Variants in ANO2 observed in about 807,000 individuals in gnomAD.
ANO2 encodes the protein anoctamin-2.
Under a neutral mutation model 124.2 loss-of-function variants are expected in ANO2, and 101 were observed. The ratio of observed to expected loss-of-function variants is 0.81; its 90% CI spans 0.69 to 0.96. The LOEUF is 0.96. ANO2 is among the 40% of genes least tolerant of loss of function. The probability of loss-of-function intolerance (pLI) is 0.00; values close to 1 mark genes in which losing one functional copy is unlikely to be tolerated. For missense variants in ANO2, 1,293 were observed against 1,274.5 expected (o/e 1.01, Z -0.22); for synonymous variants, 486 against 482.5 (o/e 1.01, Z -0.09).
Position 5,641,495 on chromosome 12 carries a change from T to C in ANO2, c.1621-6148A>G, listed in dbSNP as rs116210796. The stretch of plus-strand genomic sequence containing the variant: ...ATCAAATAGGCAGGAAACAATATAA[T>C]GTATTGTCCAATCTGGAATACTTTT... On this transcript the variant is annotated intron_variant, in intron 15 of 24. Coordinates refer to ENST00000682330, the MANE Select transcript of ANO2 (RefSeq NM_001364791.2). Among the ~76,000 whole-genome samples the C allele has an allele frequency of 7.4e-3, 1,129 of 152,324 alleles. 14 individuals carry two copies. The highest frequency in any genetic ancestry group is 0.025 in the African/African-American group (1,059 of 41,558).
chr12:5,677,788 C>T (rs910266591), intron 14 of ANO2, among the ~76,000 whole-genome samples: 2 of 152,166 alleles, frequency 1.3e-5, no homozygotes, highest in African/African-American at 4.8e-5. Context: ...GCATTTGTCC[C>T]GGCTTTTCTT....
At chr12:5,906,744 A>G (rs533214098) in intron 3 of ANO2, among the ~76,000 whole-genome samples, 215 of 152,144 alleles carry the variant, frequency 1.4e-3, no homozygotes, top group Non-Finnish European at 2.4e-3. Flanking sequence ...GCAGTGAGCC[A>G]AGATCGCACC....
chr12:5,935,598 C>T (rs556549484), intron 1 of ANO2, among the ~76,000 whole-genome samples: 2 of 152,148 alleles, frequency 1.3e-5, no homozygotes, highest in Admixed American at 1.3e-4. Context: ...TCCCAAAGGA[C>T]AAAACTGGGA....
At chr12:5,782,854 T>C (rs1952441012) in intron 10 of ANO2, among the ~76,000 whole-genome samples, 1 of 152,238 alleles carries the variant, frequency 6.6e-6, no homozygotes, top group Non-Finnish European at 1.5e-5. Flanking sequence ...CCACATTTAA[T>C]GTTTTTAAAA....
At chr12:5,596,640 C>CT (rs1385941499) in intron 20 of ANO2, among the ~76,000 whole-genome samples, 1 of 151,296 alleles carries the variant, frequency 6.6e-6, no homozygotes, top group African/African-American at 2.4e-5. Context: ...TAGTTCTTTA[C>CT]TTTTTTTTTC....
At chr12:5,765,741 T>G (rs946094881) in intron 10 of ANO2, among the ~76,000 whole-genome samples, 5 of 152,266 alleles carry the variant, frequency 3.3e-5, no homozygotes, top group African/African-American at 1.2e-4. Flanking sequence ...ATGGAACTTT[T>G]GTTTATCAAA....
chr12:5,796,590 G>C (rs1467224359), intron 10 of ANO2, among the ~76,000 whole-genome samples: 5 of 152,116 alleles, frequency 3.3e-5, no homozygotes, highest in Admixed American at 3.3e-4. Context: ...CAGGCCTGCA[G>C]GCCCCAGGTC....
At chr12:5,599,212 G>A (rs1943809777) in intron 20 of ANO2, among the ~76,000 whole-genome samples, 1 of 152,154 alleles carries the variant, frequency 6.6e-6, no homozygotes, top group African/African-American at 2.4e-5. Context: ...TTATAGATGA[G>A]GAGAGGAATC....
chr12:5,788,548 T>C (rs1952604017), intron 10 of ANO2, among the ~76,000 whole-genome samples: 1 of 152,034 alleles, frequency 6.6e-6, no homozygotes, highest in African/African-American at 2.4e-5. Flanking sequence ...CTGAATTATA[T>C]GTTTGTCTTT....
chr12:5,819,204 C>A lies in ANO2; in HGVS notation c.892+8565G>T, dbSNP rs565208474. ...TTCTCCTCAGGAGCCACCCCCAACA[C>A]CCCTGTTTGCTTCTAGACCTATAAA... On this transcript the variant is annotated intron_variant, in intron 7 of 24. Coordinates refer to ENST00000682330, the MANE Select transcript of ANO2 (RefSeq NM_001364791.2). 4.6e-5 allele frequency among the ~76,000 whole-genome samples: 7 copies of A among 152,276 alleles called. No individual in the cohort carries two copies. The South Asian group carries it at 1.5e-3, about 32-fold the overall frequency.
chr12:5,652,935 C>A (rs960867932), intron 14 of ANO2, among the ~76,000 whole-genome samples: 1 of 152,202 alleles, frequency 6.6e-6, no homozygotes, highest in African/African-American at 2.4e-5. Flanking sequence ...GGGAATTACA[C>A]TCCACCTCTC....
intron 12 of ANO2, among the ~76,000 whole-genome samples, chr12:5,743,647 T>A (rs987173171): frequency 6.6e-6 from 1 of 152,148 alleles, no homozygotes; most frequent in Admixed American, 6.5e-5. Context: ...ACCCTGGCAT[T>A]AAATATTAAA....
At chr12:5,713,941 G>C (rs1949916513) in intron 14 of ANO2, among the ~76,000 whole-genome samples, 1 of 152,100 alleles carries the variant, frequency 6.6e-6, no homozygotes, top group Admixed American at 6.5e-5. Flanking sequence ...TATCTGCCAG[G>C]TCTCCACTTC....
intron 10 of ANO2, among the ~76,000 whole-genome samples, chr12:5,791,584 C>T (rs1952696170): frequency 6.6e-6 from 1 of 152,186 alleles, no homozygotes; most frequent in Admixed American, 6.5e-5. Flanking sequence ...GGGGCACCTT[C>T]AGCTACAGAG....
intron 4 of ANO2, among the ~76,000 whole-genome samples, chr12:5,852,723 C>G (rs1179424915): frequency 6.6e-6 from 1 of 151,954 alleles, no homozygotes; most frequent in Non-Finnish European, 1.5e-5. Context: ...AGTGGTGGTA[C>G]AGAAGGCAAC....
At chr12:5,824,909 A>G (rs1268151883) in intron 7 of ANO2, among the ~76,000 whole-genome samples, 1 of 151,978 alleles carries the variant, frequency 6.6e-6, no homozygotes, top group African/African-American at 2.4e-5. Flanking sequence ...CCCCTGATAA[A>G]CCCATCAGAT....
chr12:5,590,670 G>C (rs1457656255), intron 20 of ANO2, among the ~76,000 whole-genome samples: 1 of 152,176 alleles, frequency 6.6e-6, no homozygotes, highest in Non-Finnish European at 1.5e-5. Context: ...AAGGCCAAAA[G>C]AATGAGAAGA....
intron 3 of ANO2, among the ~76,000 whole-genome samples, chr12:5,857,694 C>A (rs1454561937): frequency 6.6e-6 from 1 of 151,938 alleles, no homozygotes. Flanking sequence ...TTATTTAGAT[C>A]CTTTGCCCAG....
intron 14 of ANO2, among the ~76,000 whole-genome samples, chr12:5,721,190 C>T (rs1002337059): frequency 2.0e-5 from 3 of 152,152 alleles, no homozygotes; most frequent in Admixed American, 6.5e-5. Context: ...CTACCATGCA[C>T]ACTCACATAC....
Sources: allele counts gnomAD v4.1 joint callset (sites outside exome capture counted in the v4.1 genomes callset), GRCh38; gene constraint gnomAD v4.1.1; transcripts MANE v1.5; gene names NCBI Gene and HGNC (gene_info 2026-07-23, HGNC 2026-07-21).